NFIL3: variants seen among roughly 807,000 people sequenced by gnomAD.
NFIL3 encodes nuclear factor, interleukin 3 regulated.
Under a neutral mutation model 10.0 loss-of-function variants are expected in NFIL3, and 5 were observed. The ratio of observed to expected loss-of-function variants is 0.50; its 90% confidence interval spans 0.26 to 1.06. The LOEUF (loss-of-function observed/expected upper bound fraction) is 1.06, where lower values mean the gene tolerates loss of function less well. Among genes scored for constraint, NFIL3 ranks in the 50% least tolerant of loss-of-function variants. NFIL3 has a pLI of 0.13. For synonymous variants in NFIL3, 202 were observed against 206.5 expected (o/e 0.98, Z 0.19); for missense variants, 436 against 547.6 (o/e 0.80, Z 2.03).
the NFIL3 span, among the ~76,000 whole-genome samples, chr9:91,447,609 T>A: frequency 6.6e-6 from 1 of 152,242 alleles, no homozygotes; most frequent in Non-Finnish European, 1.5e-5. Context: ...TCTTATCGCA[T>A]CCTTATTGAC....
At chr9:91,438,015 G>A in the NFIL3 span, among the ~76,000 whole-genome samples, 14 of 152,250 alleles carry the variant, frequency 9.2e-5, no homozygotes, top group African/African-American at 2.9e-4. Context: ...TTTCCTTTGG[G>A]TATATGCCCA....
the NFIL3 span, among the ~76,000 whole-genome samples, chr9:91,432,881 A>G: frequency 6.6e-6 from 1 of 152,242 alleles, no homozygotes; most frequent in Non-Finnish European, 1.5e-5. Flanking sequence ...AGACTAGGAA[A>G]GAAAACTTTC....
the NFIL3 span, among the ~76,000 whole-genome samples, chr9:91,435,627 T>A: frequency 6.6e-6 from 1 of 151,916 alleles, no homozygotes; most frequent in African/African-American, 2.4e-5. Flanking sequence ...AACTGAGGAG[T>A]GTAGGAAGAA....
At chr9:91,419,370 G>A (rs7030358) in intron 1 of NFIL3, among the ~76,000 whole-genome samples, 1 of 152,218 alleles carries the variant, frequency 6.6e-6, no homozygotes, top group South Asian at 2.1e-4. Flanking sequence ...ACCAAGGCAA[G>A]GTCAACTAGA....
At chr9:91,441,578 C>T in the NFIL3 span, among the ~76,000 whole-genome samples, 1 of 151,924 alleles carries the variant, frequency 6.6e-6, no homozygotes, top group Non-Finnish European at 1.5e-5. Flanking sequence ...CCTGTGGATC[C>T]TTTGCTTTTT....
the NFIL3 span, among the ~76,000 whole-genome samples, chr9:91,447,495 G>A: frequency 6.6e-6 from 1 of 152,180 alleles, no homozygotes; most frequent in Non-Finnish European, 1.5e-5. Flanking sequence ...GCTAACATAT[G>A]TTATTTTCCA....
chr9:91,445,016 C>T, the NFIL3 span, among the ~76,000 whole-genome samples: 4 of 152,180 alleles, frequency 2.6e-5, no homozygotes, highest in Non-Finnish European at 4.4e-5. Context: ...GTTCAGTTCA[C>T]TCTCTGAGGC....
At chr9:91,466,729 G>T in the NFIL3 span, among the ~76,000 whole-genome samples, 1 of 152,144 alleles carries the variant, frequency 6.6e-6, no homozygotes, top group African/African-American at 2.4e-5. Flanking sequence ...GTATGACATT[G>T]TTATTGTATT....
the NFIL3 span, among the ~76,000 whole-genome samples, chr9:91,482,563 G>A: frequency 1.3e-5 from 2 of 151,988 alleles, no homozygotes; most frequent in South Asian, 2.1e-4. Context: ...GCAGTAGTGC[G>A]ATCTTGGCTC....
the NFIL3 span, among the ~76,000 whole-genome samples, chr9:91,478,228 A>G: frequency 6.6e-6 from 1 of 152,052 alleles, no homozygotes; most frequent in African/African-American, 2.4e-5. Flanking sequence ...CTCCTGGATA[A>G]TATCCTGAAG....
At chr9:91,422,902 CCAACGCTGCGCCT>C (rs1347603638) in intron 1 of NFIL3, among the ~76,000 whole-genome samples, 1 of 152,202 alleles carries the variant, frequency 6.6e-6, no homozygotes, top group Admixed American at 6.5e-5. Context: ...GATCTAATAT[CCAACGCTGCGCCT>C]CAATTACCAA....
At chr9:91,452,655 C>T in the NFIL3 span, among the ~76,000 whole-genome samples, 17 of 151,740 alleles carry the variant, frequency 1.1e-4, no homozygotes, top group Non-Finnish European at 2.1e-4. Flanking sequence ...GGTGTGGTGG[C>T]GTACACCTGT....
the NFIL3 span, among the ~76,000 whole-genome samples, chr9:91,439,890 T>A: frequency 2.6e-5 from 4 of 152,154 alleles, no homozygotes; most frequent in Non-Finnish European, 5.9e-5. Context: ...ACAGTCTTTT[T>A]GGTGTGTTGT....
the NFIL3 span, among the ~76,000 whole-genome samples, chr9:91,463,358 T>C: frequency 2.0e-4 from 30 of 151,852 alleles, no homozygotes; most frequent in African/African-American, 6.7e-4. Flanking sequence ...CTACTTTTGC[T>C]GCATTCCACA....
At chr9:91,438,704 TCCAA>T in the NFIL3 span, among the ~76,000 whole-genome samples, 12 of 152,190 alleles carry the variant, frequency 7.9e-5, no homozygotes, top group Non-Finnish European at 1.2e-4. Context: ...AAGATAACAG[TCCAA>T]TTTCATTCTT....
the NFIL3 span, among the ~76,000 whole-genome samples, chr9:91,456,906 AC>A: frequency 6.6e-6 from 1 of 151,700 alleles, no homozygotes; most frequent in Non-Finnish European, 1.5e-5. Flanking sequence ...TTTTTGGTTC[AC>A]TTTTTTGGGT....
chr9:91,482,971 T>C, the NFIL3 span, among the ~76,000 whole-genome samples: 4 of 152,184 alleles, frequency 2.6e-5, no homozygotes, highest in African/African-American at 9.7e-5. Context: ...ATCGACTGCC[T>C]ATCCACATAA....
chr9:91,469,340 T>A, the NFIL3 span, among the ~76,000 whole-genome samples: 10,327 of 152,204 alleles, frequency 0.068, 644 homozygotes, highest in East Asian at 0.17. Context: ...TTGTCTGTTA[T>A]TGGTGTATAG....
At chr9:91,463,282 T>G in the NFIL3 span, among the ~76,000 whole-genome samples, 2 of 151,832 alleles carry the variant, frequency 1.3e-5, no homozygotes, top group Non-Finnish European at 2.9e-5. Flanking sequence ...AAGCTTAGGT[T>G]ATTGATTTTA....
Sources: gnomAD v4.1 joint callset for allele counts (sites outside exome capture counted in the v4.1 genomes callset) on GRCh38, gnomAD v4.1.1 for gene constraint, MANE v1.5 for transcripts, NCBI Gene and HGNC (gene_info 2026-07-23, HGNC 2026-07-21) for gene names.